ZNF536: variants seen among roughly 807,000 people sequenced by gnomAD.
The protein encoded by ZNF536 is zinc finger protein 536.
A neutral mutation model predicts 84.5 loss-of-function variants in ZNF536; 13 were observed. The observed-to-expected ratio is 0.15, with a 90% CI of 0.10 to 0.24. ZNF536 has a LOEUF of 0.24. Among genes scored for constraint, ZNF536 ranks in the 10% least tolerant of loss-of-function variants. The probability of loss-of-function intolerance (pLI) is 1.00; values close to 1 mark genes in which losing one functional copy is unlikely to be tolerated. For missense variants in ZNF536, 1,536 were observed against 1,747.5 expected (o/e 0.88, Z 2.16); for synonymous variants, 811 against 742.5 (o/e 1.09, Z -1.50).
chr19:30,237,054 T>TC (rs1322025206), intron 1 of ZNF536, among the ~76,000 whole-genome samples: 1 of 151,820 alleles, frequency 6.6e-6, no homozygotes, highest in East Asian at 1.9e-4. Flanking sequence ...TTTTTTTTTT[T>TC]TTCTTCTAGG....
intron 2 of ZNF536, among the ~76,000 whole-genome samples, chr19:30,470,221 G>T (rs998722834): frequency 1.3e-5 from 2 of 152,192 alleles, no homozygotes; most frequent in Admixed American, 1.3e-4. Flanking sequence ...GAGGAAGGGA[G>T]GCTTAGAATA....
At chr19:30,412,235 T>C (rs1048181039) in intron 1 of ZNF536, among the ~76,000 whole-genome samples, 6 of 152,038 alleles carry the variant, frequency 3.9e-5, no homozygotes, top group Admixed American at 2.0e-4. Flanking sequence ...TCTTTTTTTT[T>C]CCAAAAATTT....
intron 1 of ZNF536, among the ~76,000 whole-genome samples, chr19:30,646,457 C>CATGAATGTCCCT (rs1306947749): frequency 6.6e-6 from 1 of 152,170 alleles, no homozygotes; most frequent in Non-Finnish European, 1.5e-5. Flanking sequence ...AAGGTGTGCT[C>CATGAATGTCCCT]ATGAATGTCC....
At chr19:30,694,558 T>TC (rs1222200675) in intron 1 of ZNF536, among the ~76,000 whole-genome samples, 1 of 152,132 alleles carries the variant, frequency 6.6e-6, no homozygotes, top group Non-Finnish European at 1.5e-5. Flanking sequence ...GGGACCCAGC[T>TC]CCCCAGCGGC....
intron 1 of ZNF536, among the ~76,000 whole-genome samples, chr19:30,686,722 C>G (rs781335373): frequency 1.5e-4 from 23 of 152,182 alleles, no homozygotes; most frequent in Non-Finnish European, 2.9e-4. Flanking sequence ...TGTCATCTCT[C>G]CTCAGCCTTC....
rs796995853 is a variant in ZNF536, at chr19:30,298,898, G to A, written c.-120+14757G>A. ...ATTTTTGAGCTCTGTTTTCTTACCC[G>A]TAAGAGAAATTGGCCCTATATGACT... On this transcript the variant is annotated intron_variant, in intron 2 of 5. Transcript: ENST00000585628. Among the ~76,000 whole-genome samples the A allele has an allele frequency of 7.9e-5, 12 of 152,286 alleles. 1 individual carries two copies. The highest frequency in any genetic ancestry group is 1.7e-4 in the African/African-American group (7 of 41,572).
chr19:30,316,084 A>G (rs1319229631), intron 2 of ZNF536, among the ~76,000 whole-genome samples: 2 of 152,348 alleles, frequency 1.3e-5, no homozygotes, highest in East Asian at 3.9e-4. Context: ...TGCTGCAGTA[A>G]ACACTGTATC....
chr19:30,540,807 A>T (rs1221863387), intron 3 of ZNF536, among the ~76,000 whole-genome samples: 2 of 152,254 alleles, frequency 1.3e-5, no homozygotes. Flanking sequence ...AACAGGAAGG[A>T]AAGAAGTGAC....
intron 2 of ZNF536, among the ~76,000 whole-genome samples, chr19:30,500,261 C>G (rs895756516): frequency 6.6e-6 from 1 of 152,228 alleles, no homozygotes; most frequent in Non-Finnish European, 1.5e-5. Flanking sequence ...AGTCTCACTC[C>G]TGGTTCTAGA....
At chr19:30,326,245 C>T (rs1242653351) in intron 2 of ZNF536, among the ~76,000 whole-genome samples, 3 of 152,188 alleles carry the variant, frequency 2.0e-5, no homozygotes, top group Admixed American at 6.5e-5. Context: ...GTGGTCAGCC[C>T]GGGCTTGGCG....
At chr19:30,605,678 C>CT (rs1165346407) in intron 1 of ZNF536, among the ~76,000 whole-genome samples, 2 of 152,252 alleles carry the variant, frequency 1.3e-5, no homozygotes, top group East Asian at 1.9e-4. Context: ...CATATAATGA[C>CT]TTTTTTTCCT....
At chr19:30,544,965 T>A (rs554317445) in intron 3 of ZNF536, among the ~76,000 whole-genome samples, 1 of 152,180 alleles carries the variant, frequency 6.6e-6, no homozygotes, top group African/African-American at 2.4e-5. Context: ...AAATACCTCC[T>A]GAGGTCTAGA....
intron 1 of ZNF536, among the ~76,000 whole-genome samples, chr19:30,380,902 G>A (rs138533549): frequency 1.4e-3 from 207 of 151,930 alleles, no homozygotes; most frequent in African/African-American, 4.6e-3. Context: ...TTAGAGACAG[G>A]GGCTCACTCT....
chr19:30,402,038 A>G (rs1037224521), intron 1 of ZNF536, among the ~76,000 whole-genome samples: 4 of 152,240 alleles, frequency 2.6e-5, no homozygotes, highest in Non-Finnish European at 5.9e-5. Flanking sequence ...TACAAATTCC[A>G]ATTGTGAAAA....
chr19:30,527,219 C>CTTTTTTTTTT (rs56404227), intron 2 of ZNF536, among the ~76,000 whole-genome samples: 1 of 106,170 alleles, frequency 9.4e-6, no homozygotes, highest in Non-Finnish European at 1.9e-5. Flanking sequence ...ACCCAGCCTC[C>CTTTTTTTTTT]TTTTTTTTTT....
chr19:30,445,604 A>C lies in ZNF536; in HGVS notation c.2042A>C (p.Gln681Pro), dbSNP rs200316093. The C allele has an allele frequency of 7.4e-4, 1,186 of 1,612,874 alleles. 13 individuals carry two copies. The highest frequency in any genetic ancestry group is 3.9e-5 in the Non-Finnish European group (46 of 1,179,666). ...GGCTCGGGCAGTGACCAGGAGTCCC[A>C]GTCGGTGAGCCGCTCCACCACGCCG... ...RRGSGSDQES[Q>P]SVSRSTTPGS... Residue 681 changes from glutamine (Q) to proline (P), a missense_variant, in exon 2 of 5, where the codon CAG becomes CCG. Gln to Pro is a moderately conservative substitution (Grantham distance 76). This residue lies in a region of ZNF536 where 148 missense variants were observed against 205.4 expected (regional missense o/e 0.72). Transcript: ENST00000355537. The surrounding 1 kb of genome is among the most constrained non-coding windows in gnomAD (Gnocchi z 4.5).
At chr19:30,699,770 C>T (rs1183030310) in intron 1 of ZNF536, among the ~76,000 whole-genome samples, 1 of 152,150 alleles carries the variant, frequency 6.6e-6, no homozygotes, top group Non-Finnish European at 1.5e-5. Flanking sequence ...TCCCATTTTG[C>T]AGCCTCAGGG....
intron 2 of ZNF536, among the ~76,000 whole-genome samples, chr19:30,302,751 G>A (rs56006664): frequency 0.027 from 4,130 of 152,016 alleles, 160 homozygotes; most frequent in African/African-American, 0.088. Flanking sequence ...TAGAATGTCA[G>A]CCCCATCCCA....
chr19:30,315,537 G>T (rs1391613218), intron 2 of ZNF536, among the ~76,000 whole-genome samples: 1 of 152,182 alleles, frequency 6.6e-6, no homozygotes, highest in Non-Finnish European at 1.5e-5. Flanking sequence ...GTCCAGTGAA[G>T]GATCCTTGTC....
Sources: gnomAD v4.1 joint callset for allele counts (sites outside exome capture counted in the v4.1 genomes callset) on GRCh38, gnomAD v4.1.1 for gene constraint, gnomAD v4.1.1 regional missense constraint, Gnocchi (gnomAD v3.1) non-coding constraint, MANE v1.5 for transcripts, NCBI Gene and HGNC (gene_info 2026-07-23, HGNC 2026-07-21) for gene names.